Variants in KANK1 observed in about 807,000 individuals in gnomAD.
KANK1 encodes KN motif and ankyrin repeat domains 1, also known as KN motif and ankyrin repeat domain-containing protein 1.
Under a neutral mutation model 106.2 loss-of-function variants are expected in KANK1, and 109 were observed. The ratio of observed to expected loss-of-function variants is 1.03; its 90% CI spans 0.88 to 1.20. The LOEUF is 1.20. KANK1 is among the 50% of genes most tolerant of loss of function. The probability of loss-of-function intolerance (pLI) is 0.00; values close to 1 mark genes in which losing one functional copy is unlikely to be tolerated. For synonymous variants in KANK1, 873 were observed against 652.2 expected (o/e 1.34, Z -5.16); for missense variants, 2,399 against 1,710.7 (o/e 1.40, Z -7.10).
At chr9:546,210 G>A (rs373187156) in intron 1 of KANK1, among the ~76,000 whole-genome samples, 1 of 152,088 alleles carries the variant, frequency 6.6e-6, no homozygotes, top group Non-Finnish European at 1.5e-5. Context: ...TGGTGGCCTA[G>A]GATATATCTG....
At chr9:655,473 TA>T (rs140398887) in intron 1 of KANK1, among the ~76,000 whole-genome samples, 8,084 of 150,514 alleles carry the variant, frequency 0.054, 230 homozygotes, top group African/African-American at 0.067. Context: ...TGAGGAAAAA[TA>T]AAGGTTAAAC....
chr9:550,356 A>G (rs1364173292), intron 1 of KANK1, among the ~76,000 whole-genome samples: 1 of 152,014 alleles, frequency 6.6e-6, no homozygotes, highest in Non-Finnish European at 1.5e-5. Context: ...GTGCCTAGCC[A>G]CTCCTTTTTC....
chr9:684,170 C>G (rs1818099566), intron 2 of KANK1: 1 of 985,204 alleles, frequency 1.0e-6, no homozygotes, highest in Admixed American at 6.2e-5. Flanking sequence ...GCCTTATAAG[C>G]TTTCTTGCCC....
chr9:710,988 A>G lies in KANK1; in HGVS notation c.222A>G (p.Pro74=). 1.2e-6 allele frequency: 2 copies of G among 1,614,204 alleles called. No homozygotes were observed. Among genetic ancestry groups the G allele is most frequent in the Non-Finnish European group, 1.7e-6 (2 of 1,180,032 alleles). ...GGCGGAAGCCGTCCGTGCCATGCCC[A>G]GAACCCAGGACCACATCTGGTCAGC... ...QKRRKPSVPC[P]EPRTTSGQQG... The change falls in exon 3 of 12, where the codon CCA becomes CCG. Residue 74 remains proline, a synonymous_variant. Coordinates refer to ENST00000382297, the MANE Select transcript of KANK1 (RefSeq NM_015158.5).
At chr9:646,695 T>C (rs1253325733) in intron 1 of KANK1, among the ~76,000 whole-genome samples, 2 of 143,862 alleles carry the variant, frequency 1.4e-5, no homozygotes, top group African/African-American at 2.6e-5. Flanking sequence ...TTAAGTATCT[T>C]TTTTTTTTTT....
chr9:685,120 G>A (rs1011659369), intron 2 of KANK1, among the ~76,000 whole-genome samples: 12 of 152,154 alleles, frequency 7.9e-5, no homozygotes, highest in African/African-American at 2.4e-4. Context: ...ACATGCTTTA[G>A]GAAAAGTATG....
chr9:628,678 T>G (rs926324189), intron 1 of KANK1, among the ~76,000 whole-genome samples: 10 of 152,108 alleles, frequency 6.6e-5, no homozygotes, highest in Non-Finnish European at 1.5e-4. Context: ...CTCTGCCCAG[T>G]TCCCAGGTTG....
intron 1 of KANK1, chr9:539,728 C>A (rs58373788): frequency 0.4 from 61,347 of 151,602 alleles, 16,535 homozygotes; most frequent in East Asian, 0.74. Flanking sequence ...CTCAAGCAGT[C>A]CTTCTGCCTT....
intron 2 of KANK1, among the ~76,000 whole-genome samples, chr9:678,300 G>A (rs768493973): frequency 5.9e-5 from 9 of 152,098 alleles, no homozygotes; most frequent in Admixed American, 3.9e-4. Flanking sequence ...ATGCACCATG[G>A]TGCCTAAAAT....
intron 1 of KANK1, among the ~76,000 whole-genome samples, chr9:634,160 A>G (rs6477056): frequency 0.44 from 66,662 of 152,104 alleles, 14,878 homozygotes; most frequent in Non-Finnish European, 0.46. Context: ...CAATGTGGAA[A>G]ATGGAGTTAT....
chr9:744,782 C>T (rs933343029), intron 11 of KANK1, 193 bp downstream of exon 11: 14 of 1,469,850 alleles, frequency 9.5e-6, no homozygotes, highest in Middle Eastern at 3.6e-4. Context: ...TTAGCAGAGG[C>T]TGGACCTTGC....
chr9:659,716 ATGCTAT>A (rs879756545), intron 1 of KANK1, among the ~76,000 whole-genome samples: 1 of 151,494 alleles, frequency 6.6e-6, no homozygotes, highest in Admixed American at 6.6e-5. Context: ...GAAGAAGGTA[ATGCTAT>A]GCACTTTCAA....
chr9:721,339 C>A (rs1829270183), intron 3 of KANK1, among the ~76,000 whole-genome samples: 1 of 152,126 alleles, frequency 6.6e-6, no homozygotes, highest in Non-Finnish European at 1.5e-5. Context: ...CAAATAAATT[C>A]TTGGCTGGGC....
intron 1 of KANK1, among the ~76,000 whole-genome samples, chr9:612,242 T>A (rs535122365): frequency 1.3e-5 from 2 of 152,282 alleles, no homozygotes; most frequent in East Asian, 3.9e-4. Flanking sequence ...GGCTCTTGGG[T>A]AAGACTGAGA....
At chr9:554,675 A>T (rs1374381368) in intron 1 of KANK1, among the ~76,000 whole-genome samples, 2 of 152,234 alleles carry the variant, frequency 1.3e-5, no homozygotes, top group African/African-American at 2.4e-5. Flanking sequence ...ACTGTTAGAG[A>T]ACGATGTTAA....
Position 673,308 on chromosome 9 carries a change from C to CA in KANK1, c.-83-3580dup, listed in dbSNP as rs796670388. Among the ~76,000 whole-genome samples, 7 of 143,356 alleles carry CA rather than the reference C, an allele frequency of 4.9e-5. 1 individual carries two copies. The highest frequency in any genetic ancestry group is 1.8e-4 in the African/African-American group (7 of 38,816). The allele number at this position is 143,356 out of a possible 152,430, so 94.0% of individuals were successfully genotyped here. A position where few individuals can be genotyped will look rare whatever the true frequency, so the allele number is the denominator to read the frequency against. On this transcript the variant is annotated intron_variant, in intron 1 of 11. Coordinates refer to ENST00000382297, the MANE Select transcript of KANK1 (RefSeq NM_015158.5). ...TCACCGCAACCTCTGCCTCCCTGTT[C>CA]AAGTGATTCTTGTGCCTCAGCCTCC...
chr9:576,804 C>T (rs1820686331), intron 1 of KANK1, among the ~76,000 whole-genome samples: 1 of 151,764 alleles, frequency 6.6e-6, no homozygotes, highest in Non-Finnish European at 1.5e-5. Context: ...GTACCATGTA[C>T]CTGGTGCATG....
At chr9:529,293 A>C (rs1260566109) in intron 1 of KANK1, among the ~76,000 whole-genome samples, 13 of 142,332 alleles carry the variant, frequency 9.1e-5, no homozygotes, top group East Asian at 6.0e-4. Flanking sequence ...ACATATATAC[A>C]CTTTTTTTTT....
At chr9:516,380 T>C (rs1018610945) in intron 1 of KANK1, among the ~76,000 whole-genome samples, 1 of 151,732 alleles carries the variant, frequency 6.6e-6, no homozygotes, top group African/African-American at 2.4e-5. Context: ...CATCACAGTT[T>C]CTCAGCTCTG....
Sources: allele counts gnomAD v4.1 joint callset (sites outside exome capture counted in the v4.1 genomes callset), GRCh38; gene constraint gnomAD v4.1.1; transcripts MANE v1.5; gene names NCBI Gene and HGNC (gene_info 2026-07-23, HGNC 2026-07-21).